Variants in OCIAD1 observed in about 807,000 individuals in gnomAD.
OCIAD1 encodes OCIA domain-containing protein 1.
A neutral mutation model predicts 38.9 loss-of-function variants in OCIAD1; 29 were observed. That is an observed-to-expected ratio of 0.74 (90% CI 0.55 to 1.02). OCIAD1 has a LOEUF of 1.02. Ranked by LOEUF, OCIAD1 falls within the 50% of genes least tolerant of loss-of-function variation. The pLI is 0.00. For synonymous variants in OCIAD1, 110 were observed against 92.0 expected, an observed-to-expected ratio of 1.20 and a Z score of -1.12; for missense variants, 288 against 289.6, an observed-to-expected ratio of 0.99 and a Z score of 0.04.
intron 3 of OCIAD1, 68 bp downstream of exon 3, chr4:48,833,549 G>A (rs1777722445): frequency 1.0e-6 from 1 of 993,142 alleles, no homozygotes; most frequent in African/African-American, 1.6e-5. Context: ...ACTTGAATTT[G>A]AACCTGAAAT....
At chr4:48,853,814 A>C (rs1423178235) in intron 7 of OCIAD1, among the ~76,000 whole-genome samples, 1 of 152,232 alleles carries the variant, frequency 6.6e-6, no homozygotes, top group Non-Finnish European at 1.5e-5. Context: ...AGCACTACTT[A>C]AGAGCAAAAG....
intron 1 of OCIAD1, among the ~76,000 whole-genome samples, chr4:48,809,397 G>C (rs527963988): frequency 6.6e-6 from 1 of 151,966 alleles, no homozygotes; most frequent in Non-Finnish European, 1.5e-5. Context: ...GGTGGTGGGC[G>C]CCAATAATCC....
chr4:48,860,873 C>G lies in OCIAD1; in HGVS notation c.*111C>G, dbSNP rs1287091622. 1.9e-5 allele frequency: 15 copies of G among 802,566 alleles called. No homozygotes were observed. The highest frequency in any genetic ancestry group is 3.0e-5 in the Non-Finnish European group (14 of 471,810). The allele number at this position is 802,566 out of a possible 1,614,324, so 49.7% of individuals were successfully genotyped here. Reference sequence around the variant, plus strand: ...GCAGTCTTCATAAACACATTTAAAACAAGATCCTGGGTTTTTGTGGTTTGA... The same window carrying G: ...GCAGTCTTCATAAACACATTTAAAAGAAGATCCTGGGTTTTTGTGGTTTGA... On this transcript the variant is annotated 3_prime_UTR_variant, in exon 9 of 9. Coordinates refer to ENST00000264312, the MANE Select transcript of OCIAD1 (RefSeq NM_017830.4).
chr4:48,832,143 C>G lies in OCIAD1; in HGVS notation c.-5-477C>G, dbSNP rs868310278. Among the ~76,000 whole-genome samples the G allele has an allele frequency of 2.6e-5, 4 of 152,126 alleles. No individual in the cohort carries two copies. The South Asian group carries it at 8.3e-4, about 32-fold the overall frequency. The stretch of plus-strand genomic sequence containing the variant: ...TGTTATTCCATAATTTTGGAGTGCT[C>G]CTTTGTGGGAGAGGTTGAATGTTTC... On this transcript the variant is annotated intron_variant, in intron 1 of 8. Coordinates refer to ENST00000264312, the MANE Select transcript of OCIAD1 (RefSeq NM_017830.4).
upstream of OCIAD1, among the ~76,000 whole-genome samples, chr4:48,827,058 C>T (rs115318905): frequency 1.3e-5 from 2 of 152,200 alleles, no homozygotes; most frequent in Non-Finnish European, 2.9e-5. Flanking sequence ...ATGTGTTAAA[C>T]TAGATAGTCT....
At chr4:48,847,519 C>T (rs749812568) in intron 4 of OCIAD1, among the ~76,000 whole-genome samples, 10 of 152,080 alleles carry the variant, frequency 6.6e-5, no homozygotes, top group Non-Finnish European at 1.5e-4. Context: ...ATGCTTTCTT[C>T]TGTAAAATTT....
upstream of OCIAD1, among the ~76,000 whole-genome samples, chr4:48,828,299 A>G (rs954502402): frequency 7.2e-5 from 11 of 152,180 alleles, no homozygotes; most frequent in Non-Finnish European, 1.6e-4. Flanking sequence ...TTGTAAATGC[A>G]CCAATCAGCA....
At chr4:48,822,200 T>C (rs1372686184) in intron 1 of OCIAD1, among the ~76,000 whole-genome samples, 1 of 152,116 alleles carries the variant, frequency 6.6e-6, no homozygotes, top group Non-Finnish European at 1.5e-5. Flanking sequence ...AACAGATGTA[T>C]AGACAAACGG....
intron 3 of OCIAD1, among the ~76,000 whole-genome samples, chr4:48,841,208 T>C (rs1260887405): frequency 1.3e-5 from 2 of 152,196 alleles, no homozygotes; most frequent in Non-Finnish European, 2.9e-5. Context: ...GGGACAGAGA[T>C]TGGCCCACAA....
chr4:48,811,842 G>A (rs1777091257), intron 1 of OCIAD1, among the ~76,000 whole-genome samples: 1 of 152,182 alleles, frequency 6.6e-6, no homozygotes, highest in Admixed American at 6.5e-5. Flanking sequence ...AGATGAGGAA[G>A]ACTGAAAAGA....
At chr4:48,811,418 TC>T (rs1338836393) in intron 1 of OCIAD1, among the ~76,000 whole-genome samples, 2 of 152,188 alleles carry the variant, frequency 1.3e-5, no homozygotes, top group East Asian at 3.8e-4. Flanking sequence ...TCTCTTCCTT[TC>T]CTCCAGACCT....
At chr4:48,817,044 C>G (rs1777150171) in intron 1 of OCIAD1, among the ~76,000 whole-genome samples, 1 of 152,186 alleles carries the variant, frequency 6.6e-6, no homozygotes, top group African/African-American at 2.4e-5. Flanking sequence ...CCCAGCAAGA[C>G]CAACGCAGAA....
chr4:48,806,112 CA>C (rs1777021105), intron 1 of OCIAD1, among the ~76,000 whole-genome samples: 1 of 151,996 alleles, frequency 6.6e-6, no homozygotes, highest in Non-Finnish European at 1.5e-5. Context: ...ACTAAAAATA[CA>C]AAAATTAGCC....
At chr4:48,831,535 ATCAGCGGT>A in intron 1 of OCIAD1, 1 of 1,290,764 alleles carries the variant, frequency 7.7e-7, no homozygotes, top group Non-Finnish European at 1.0e-6. Context: ...GAGTGCGGTA[ATCAGCGGT>A]TGTAGGCCGC....
upstream of OCIAD1, among the ~76,000 whole-genome samples, chr4:48,826,739 A>G (rs1777255973): frequency 6.6e-6 from 1 of 152,202 alleles, no homozygotes; most frequent in South Asian, 2.1e-4. Flanking sequence ...CCAAAACAAA[A>G]AATAACCTTC....
At chr4:48,844,165 G>A (rs910003789) in intron 4 of OCIAD1, among the ~76,000 whole-genome samples, 1 of 152,072 alleles carries the variant, frequency 6.6e-6, no homozygotes, top group Non-Finnish European at 1.5e-5. Context: ...AAGACAAATA[G>A]GCATAACTAT....
intron 7 of OCIAD1, among the ~76,000 whole-genome samples, chr4:48,852,865 G>GTTTTTTT (rs1391651931): frequency 2.1e-5 from 2 of 94,922 alleles, no homozygotes; most frequent in African/African-American, 9.8e-5. Flanking sequence ...TTTAAGCCAA[G>GTTTTTTT]TTTTTTTTTG....
At chr4:48,850,117 A>G in intron 6 of OCIAD1, 35 bp downstream of exon 6, 2 of 1,600,944 alleles carry the variant, frequency 1.2e-6, no homozygotes, top group Non-Finnish European at 1.7e-6. Flanking sequence ...TAAGATTTTT[A>G]ATTTTTAAGA....
rs776219891 is a variant in OCIAD1 at position 48,850,095 on chromosome 4, C to T, written c.377+13C>T. The T allele has an allele frequency of 1.9e-6, 3 of 1,605,844 alleles. No homozygotes were observed. Among genetic ancestry groups the T allele is most frequent in the East Asian group, 4.5e-5 (2 of 44,710 alleles). On this transcript the variant is annotated intron_variant, in intron 6 of 8. Transcript: ENST00000264312. ...CTTCACCACCTGGGTAGGCCAGATT[C>T]TGATCTTTACTTAAGATTTTTAATT...
Sources: allele counts gnomAD v4.1 joint callset (sites outside exome capture counted in the v4.1 genomes callset), GRCh38; gene constraint gnomAD v4.1.1; transcripts MANE v1.5; gene names NCBI Gene and HGNC (gene_info 2026-07-23, HGNC 2026-07-21).